Variants in PLD5 observed in about 807,000 individuals in gnomAD.
PLD5 encodes inactive phospholipase D5.
In PLD5, 36 loss-of-function variants were observed where a neutral mutation model predicts 61.1. That is an observed-to-expected ratio of 0.59 (90% CI 0.45 to 0.78). The LOEUF (loss-of-function observed/expected upper bound fraction) is 0.78, where lower values mean the gene tolerates loss of function less well. PLD5 is among the 30% of genes least tolerant of loss of function. The pLI is 0.00. For missense variants in PLD5, 515 were observed against 644.4 expected, an observed-to-expected ratio of 0.80 and a Z score of 2.17; for synonymous variants, 243 against 242.8, an observed-to-expected ratio of 1.00 and a Z score of -0.01.
chr1:242,181,096 C>T (rs990339312), intron 5 of PLD5, among the ~76,000 whole-genome samples: 3 of 152,172 alleles, frequency 2.0e-5, no homozygotes, highest in African/African-American at 7.2e-5. Flanking sequence ...AACCACTGTG[C>T]TAGAAGTCAG....
chr1:242,137,066 G>A (rs1205425463), intron 5 of PLD5, among the ~76,000 whole-genome samples: 2 of 152,192 alleles, frequency 1.3e-5, no homozygotes, highest in East Asian at 1.9e-4. Context: ...GGCAGCAGCA[G>A]GGGAAAACAG....
chr1:242,194,988 T>C (rs1668547143), intron 5 of PLD5, among the ~76,000 whole-genome samples: 1 of 151,870 alleles, frequency 6.6e-6, no homozygotes, highest in African/African-American at 2.4e-5. Flanking sequence ...AATTTACTCA[T>C]GTAACCAAAC....
intron 2 of PLD5, among the ~76,000 whole-genome samples, chr1:242,312,778 C>T (rs773528948): frequency 8.5e-5 from 13 of 152,230 alleles, no homozygotes; most frequent in Non-Finnish European, 1.8e-4. Context: ...GACTGCCATG[C>T]TGCCTTGGGG....
intron 1 of PLD5, among the ~76,000 whole-genome samples, chr1:242,474,873 T>C (rs898779807): frequency 9.2e-5 from 14 of 152,216 alleles, no homozygotes; most frequent in Admixed American, 1.3e-4. Flanking sequence ...TTGCACTTTC[T>C]CTGTGCTACC....
At chr1:242,488,453 C>T (rs1304662782) in intron 1 of PLD5, among the ~76,000 whole-genome samples, 4 of 152,138 alleles carry the variant, frequency 2.6e-5, no homozygotes, top group Non-Finnish European at 4.4e-5. Flanking sequence ...ACCTTAAATG[C>T]ATATTGCTAA....
At chr1:242,320,567 C>A (rs1414080249) in intron 2 of PLD5, among the ~76,000 whole-genome samples, 1 of 152,120 alleles carries the variant, frequency 6.6e-6, no homozygotes, top group Admixed American at 6.6e-5. Flanking sequence ...GCTTCTGGAC[C>A]TGGAGTTTAT....
intron 1 of PLD5, among the ~76,000 whole-genome samples, chr1:242,461,505 T>C (rs184089127): frequency 7.9e-5 from 12 of 152,338 alleles, no homozygotes; most frequent in Non-Finnish European, 1.6e-4. Flanking sequence ...ATACATACAA[T>C]AAATAATTTG....
chr1:242,361,885 A>G (rs1453726595), intron 1 of PLD5, among the ~76,000 whole-genome samples: 4 of 151,918 alleles, frequency 2.6e-5, no homozygotes, highest in Non-Finnish European at 5.9e-5. Context: ...CTGTAGTCCT[A>G]GCACTTTGGG....
intron 5 of PLD5, among the ~76,000 whole-genome samples, chr1:242,185,972 G>T (rs1667851162): frequency 6.6e-6 from 1 of 152,008 alleles, no homozygotes; most frequent in Non-Finnish European, 1.5e-5. Context: ...TAGGTGCTTG[G>T]CAACAATCCC....
intron 1 of PLD5, among the ~76,000 whole-genome samples, chr1:242,429,157 AG>A (rs1416981924): frequency 1.3e-5 from 2 of 152,238 alleles, no homozygotes; most frequent in African/African-American, 4.8e-5. Context: ...TGAAATGAAA[AG>A]GAAAGCTTGA....
intron 2 of PLD5, among the ~76,000 whole-genome samples, chr1:242,314,754 T>G (rs977095078): frequency 3.6e-4 from 48 of 134,446 alleles, no homozygotes; most frequent in Non-Finnish European, 6.7e-4. Flanking sequence ...AAGATGGATC[T>G]CCTGACTCTC....
intron 1 of PLD5, among the ~76,000 whole-genome samples, chr1:242,399,029 GAAC>G (rs1332287997): frequency 6.6e-6 from 1 of 152,144 alleles, no homozygotes; most frequent in Non-Finnish European, 1.5e-5. Context: ...CACATGAGTT[GAAC>G]AAGAAGTGAA....
intron 1 of PLD5, among the ~76,000 whole-genome samples, chr1:242,506,918 T>C (rs1054380859): frequency 1.3e-5 from 2 of 152,060 alleles, no homozygotes; most frequent in Non-Finnish European, 2.9e-5. Flanking sequence ...ATGAGAGCAA[T>C]AGGACAGCAA....
At chr1:242,168,537 T>C (rs186782577) in intron 5 of PLD5, among the ~76,000 whole-genome samples, 17 of 152,314 alleles carry the variant, frequency 1.1e-4, no homozygotes, top group African/African-American at 3.6e-4. Flanking sequence ...AGAATACATT[T>C]CCACTATTTA....
chr1:242,100,020 C>T (rs1033014219), intron 9 of PLD5, among the ~76,000 whole-genome samples: 2 of 152,152 alleles, frequency 1.3e-5, no homozygotes, highest in African/African-American at 2.4e-5. Context: ...ATGATTCCAG[C>T]CCTTGGGTCT....
intron 5 of PLD5, among the ~76,000 whole-genome samples, chr1:242,133,036 CA>C (rs1483592565): frequency 1.3e-5 from 2 of 151,144 alleles, no homozygotes; most frequent in African/African-American, 4.9e-5. Context: ...CCCACCCCCG[CA>C]CACCGCCCAC....
Position 242,152,013 on chromosome 1 carries a change from CTTT to C in PLD5, c.736-27351_736-27349del, listed in dbSNP as rs113279302. On this transcript the variant is annotated intron_variant, in intron 5 of 9. Coordinates refer to ENST00000536534, the MANE Select transcript of PLD5 (RefSeq NM_001372062.1). ...ACATTCACACATTCAATATGTAGAA[CTTT>C]TTTTTTTTTCAGTGCTGCAAAGGTA... 2.7e-5 allele frequency among the ~76,000 whole-genome samples: 4 copies of C among 146,522 alleles called. No homozygotes were observed. In the East Asian group the frequency reaches 8.0e-4, roughly 29 times the overall value.
intron 1 of PLD5, among the ~76,000 whole-genome samples, chr1:242,407,725 C>T (rs1176516327): frequency 4.6e-5 from 7 of 151,936 alleles, no homozygotes; most frequent in African/African-American, 1.2e-4. Flanking sequence ...ATTATAGGTG[C>T]GTGCCACCAC....
In PLD5 at chr1:242,524,500, A is replaced by C. The variant is rs1315832380; in HGVS notation, c.-224T>G. 2.7e-5 allele frequency: 2 copies of C among 73,036 alleles called. No individual in the cohort carries two copies. The highest frequency in any genetic ancestry group is 1.1e-4 in the African/African-American group (2 of 18,624). The allele number at this position is 73,036 out of a possible 1,614,324, so 4.5% of individuals were successfully genotyped here. On this transcript the variant is annotated 5_prime_UTR_variant, in exon 1 of 10. Transcript: ENST00000536534. ...GGCGATCGCGGGAGGCGCGGGGCGGAAGGAGGGAGGGCGAGGTGCGGGCGG... is the reference window on the plus strand; with the variant it reads ...GGCGATCGCGGGAGGCGCGGGGCGGCAGGAGGGAGGGCGAGGTGCGGGCGG...
Sources: allele counts gnomAD v4.1 joint callset (sites outside exome capture counted in the v4.1 genomes callset), GRCh38; gene constraint gnomAD v4.1.1; transcripts MANE v1.5; gene names NCBI Gene and HGNC (gene_info 2026-07-23, HGNC 2026-07-21).